The following NFATC3 variants were observed in gnomAD, a reference collection of about 807,000 sequenced individuals.
NFATC3 encodes nuclear factor of activated T-cells, cytoplasmic 3.
In NFATC3, 46 loss-of-function variants were observed where a neutral mutation model predicts 98.6. The observed-to-expected ratio is 0.47, with a 90% CI of 0.37 to 0.60. The LOEUF is 0.60. Ranked by LOEUF, NFATC3 falls within the 20% of genes least tolerant of loss-of-function variation. The probability of loss-of-function intolerance (pLI) is 0.00; values close to 1 mark genes in which losing one functional copy is unlikely to be tolerated. For synonymous variants in NFATC3, 512 were observed against 472.2 expected, an observed-to-expected ratio of 1.08 and a Z score of -1.09; for missense variants, 1,256 against 1,295.5, an observed-to-expected ratio of 0.97 and a Z score of 0.47.
chr16:68,203,411 C>T (rs1353800698), intron 9 of NFATC3, among the ~76,000 whole-genome samples: 2 of 151,878 alleles, frequency 1.3e-5, no homozygotes, highest in African/African-American at 4.8e-5. Flanking sequence ...GCCGGTGGAT[C>T]GCTTGAGCTC....
intron 9 of NFATC3, chr16:68,217,825 G>A (rs539191164): frequency 2.0e-4 from 251 of 1,230,870 alleles, no homozygotes; most frequent in Middle Eastern, 9.3e-4. Flanking sequence ...TACGTACATC[G>A]CTTTTGCTCA....
chr16:68,113,965 A>G (rs940467101), intron 1 of NFATC3, among the ~76,000 whole-genome samples: 3 of 152,236 alleles, frequency 2.0e-5, no homozygotes, highest in Admixed American at 2.0e-4. Flanking sequence ...AGTGATGGCG[A>G]CTGCCCCTTT....
chr16:68,101,705 G>A (rs2035374418), intron 1 of NFATC3, among the ~76,000 whole-genome samples: 1 of 151,676 alleles, frequency 6.6e-6, no homozygotes, highest in Admixed American at 6.6e-5. Context: ...GGATGGTCTT[G>A]ATCCCCTGAC....
intron 3 of NFATC3, among the ~76,000 whole-genome samples, chr16:68,127,557 G>T (rs929855007): frequency 9.2e-5 from 14 of 152,016 alleles, no homozygotes; most frequent in Admixed American, 7.9e-4. Flanking sequence ...GCATGGTGGT[G>T]TGTGCCTATA....
chr16:68,203,240 A>G (rs1436948084), intron 9 of NFATC3, among the ~76,000 whole-genome samples: 3 of 152,202 alleles, frequency 2.0e-5, no homozygotes, highest in African/African-American at 7.2e-5. Flanking sequence ...TTTTATATCG[A>G]ATGCGTCTGT....
chr16:68,185,237 A>G (rs975422190), intron 8 of NFATC3, among the ~76,000 whole-genome samples: 3 of 152,162 alleles, frequency 2.0e-5, no homozygotes, highest in Non-Finnish European at 4.4e-5. Context: ...TTGGCCTTCC[A>G]AAGCGCTGGG....
In NFATC3 at chr16:68,191,227, C is replaced by G; in HGVS notation, c.2558C>G (p.Pro853Arg). 6.2e-7 allele frequency: 1 copy of G among 1,614,172 alleles called. No individual in the cohort carries two copies. The highest frequency in any genetic ancestry group is 8.5e-7 in the Non-Finnish European group (1 of 1,180,032). The part of the protein sequence containing the change: ...NLGCQPLSSI[P>R]FHSSNSGSTG... ...GGCTGTCAACCACTGTCATCCATAC[C>G]ATTTCATTCTTCAAATTCAGGCTCA... The change falls in exon 9 of 10, where the codon CCA (proline) becomes CGA (arginine). Residue 853 changes from proline (P) to arginine (R), a missense_variant. Pro to Arg is a moderately radical substitution (Grantham distance 103). This residue lies in a region of NFATC3 where 636 missense variants were observed against 617.3 expected (regional missense o/e 1.03). Transcript: ENST00000346183.
chr16:68,186,100 G>A (rs2040188981), intron 8 of NFATC3, among the ~76,000 whole-genome samples: 2 of 151,952 alleles, frequency 1.3e-5, no homozygotes, highest in African/African-American at 2.4e-5. Flanking sequence ...ACACAGGAAT[G>A]CTTGTGTAGT....
chr16:68,090,584 A>G (rs2034658785), intron 1 of NFATC3, among the ~76,000 whole-genome samples: 1 of 152,194 alleles, frequency 6.6e-6, no homozygotes, highest in African/African-American at 2.4e-5. Context: ...CTTACCTCTT[A>G]TATTTTATCA....
intron 1 of NFATC3, chr16:68,086,029 T>C: frequency 2.4e-6 from 1 of 409,902 alleles, no homozygotes; most frequent in Non-Finnish European, 4.3e-6. Flanking sequence ...TCCGGGACGA[T>C]CGGGGTTTGG....
At chr16:68,140,665 G>A (rs560952018) in intron 3 of NFATC3, among the ~76,000 whole-genome samples, 1 of 151,050 alleles carries the variant, frequency 6.6e-6, no homozygotes, top group Admixed American at 6.6e-5. Flanking sequence ...TTTTTAAATT[G>A]GAGATATTTT....
At chr16:68,187,575 C>T (rs186568005) in intron 8 of NFATC3, among the ~76,000 whole-genome samples, 56 of 152,078 alleles carry the variant, frequency 3.7e-4, no homozygotes, top group Admixed American at 2.0e-3. Context: ...GTGTTCAGCC[C>T]TCAGCAGAGA....
intron 9 of NFATC3, among the ~76,000 whole-genome samples, chr16:68,211,760 G>C (rs977055268): frequency 1.3e-5 from 2 of 151,586 alleles, no homozygotes; most frequent in Non-Finnish European, 3.0e-5. Context: ...GACCTCAGGT[G>C]ATCTACCCGC....
chr16:68,122,126 A>G lies in NFATC3; in HGVS notation c.243A>G (p.Gln81=). Residue 81 remains glutamine, a synonymous_variant, in exon 2 of 10, where the codon CAA becomes CAG. Transcript: ENST00000346183. ...TTTTGTCACCATCGTTTCAGCTCCA[A>G]AGTCACAAAAACTATGAAGGAACTT... ...SSVLSPSFQL[Q]SHKNYEGTCE... 1 of 1,614,092 alleles carries G rather than the reference A, an allele frequency of 6.2e-7. No homozygotes were observed. Among genetic ancestry groups the G allele is most frequent in the Non-Finnish European group, 8.5e-7 (1 of 1,180,014 alleles).
intron 9 of NFATC3, among the ~76,000 whole-genome samples, chr16:68,210,412 A>G (rs1404669196): frequency 6.6e-6 from 1 of 152,138 alleles, no homozygotes; most frequent in Non-Finnish European, 1.5e-5. Context: ...TAGAGGCTGC[A>G]GTGAGCCATT....
chr16:68,127,872 T>C (rs187042798), intron 3 of NFATC3, among the ~76,000 whole-genome samples: 278 of 152,256 alleles, frequency 1.8e-3, no homozygotes, highest in Non-Finnish European at 3.1e-3. Flanking sequence ...CCTCCTGAAT[T>C]TTCTTGCTTA....
At chr16:68,225,881 A>G (rs529074324) in intron 9 of NFATC3, 1 of 152,588 alleles carries the variant, frequency 6.6e-6, no homozygotes, top group Non-Finnish European at 1.5e-5. Flanking sequence ...CCAATCAGAA[A>G]AGATCACAAA....
At chr16:68,205,966 C>T (rs1034636044) in intron 9 of NFATC3, among the ~76,000 whole-genome samples, 5 of 151,462 alleles carry the variant, frequency 3.3e-5, no homozygotes, top group East Asian at 1.9e-4. Context: ...GGCACCATCT[C>T]GGCTCACTGC....
In NFATC3 at chr16:68,122,986, C is replaced by G. The variant is rs769329706; in HGVS notation, c.1103C>G (p.Ala368Gly). Reference sequence around the variant, plus strand: ...GATGACCAAGGGAGTTTATCACCAGCCCGGGAGACTTCAATAGATGATGGC... The same window carrying G: ...GATGACCAAGGGAGTTTATCACCAGGCCGGGAGACTTCAATAGATGATGGC... ...CSDDQGSLSPARETSIDDGLG... is the reference protein window; with the variant it reads ...CSDDQGSLSPGRETSIDDGLG... Residue 368 changes from alanine to glycine, a missense_variant, in exon 2 of 10, where the codon GCC (alanine) becomes GGC (glycine). By Grantham distance (60) the Ala-to-Gly change is moderately conservative. Around this residue, in one of 3 missense-constraint regions of NFATC3, gnomAD observed 464 missense variants for 465.7 expected, o/e 1.00. Transcript: ENST00000346183. 1.2e-6 allele frequency: 2 copies of G among 1,614,014 alleles called. No homozygotes were observed. Among genetic ancestry groups the G allele is most frequent in the Admixed American group, 1.7e-5 (1 of 59,996 alleles).
Sources: allele counts gnomAD v4.1 joint callset (sites outside exome capture counted in the v4.1 genomes callset), GRCh38; gene constraint gnomAD v4.1.1; regional missense constraint gnomAD v4.1.1; transcripts MANE v1.5; gene names NCBI Gene and HGNC (gene_info 2026-07-23, HGNC 2026-07-21).